The following LRRTM4 variants were observed in gnomAD, a reference collection of about 807,000 sequenced individuals.
LRRTM4 encodes the protein leucine rich repeat transmembrane neuronal 4, also known as leucine-rich repeat transmembrane neuronal protein 4.
In LRRTM4, 25 loss-of-function variants were observed where a neutral mutation model predicts 47.6. The observed-to-expected ratio is 0.53, with a 90% CI of 0.38 to 0.73. LRRTM4 has a LOEUF of 0.73. Among genes scored for constraint, LRRTM4 ranks in the 30% least tolerant of loss-of-function variants. LRRTM4 has a pLI of 0.00. For synonymous variants in LRRTM4, 311 were observed against 269.5 expected, an observed-to-expected ratio of 1.15 and a Z score of -1.51; for missense variants, 638 against 713.4, an observed-to-expected ratio of 0.89 and a Z score of 1.20.
intron 3 of LRRTM4, among the ~76,000 whole-genome samples, chr2:76,802,157 A>C (rs977197308): frequency 6.6e-6 from 1 of 152,046 alleles, no homozygotes; most frequent in Non-Finnish European, 1.5e-5. Context: ...AAAGTCATCT[A>C]AACTGGAGAG....
chr2:77,276,634 G>A (rs2104086955), intron 3 of LRRTM4, among the ~76,000 whole-genome samples: 1 of 139,216 alleles, frequency 7.2e-6, no homozygotes, highest in Non-Finnish European at 1.5e-5. Context: ...AATATAGCCT[G>A]ATGCAATCAA....
intron 3 of LRRTM4, among the ~76,000 whole-genome samples, chr2:77,029,462 G>A (rs1023024885): frequency 1.9e-4 from 29 of 151,610 alleles, no homozygotes; most frequent in Admixed American, 1.8e-3. Flanking sequence ...TCTGATGTTC[G>A]AGAGCAGGAA....
chr2:77,103,172 G>A (rs1322557288), intron 3 of LRRTM4, among the ~76,000 whole-genome samples: 2 of 152,184 alleles, frequency 1.3e-5, no homozygotes, highest in Non-Finnish European at 2.9e-5. Flanking sequence ...GACAGCAGCA[G>A]ACTGTGGTTC....
chr2:76,811,149 CAT>C (rs1670720298), intron 3 of LRRTM4, among the ~76,000 whole-genome samples: 1 of 152,112 alleles, frequency 6.6e-6, no homozygotes, highest in South Asian at 2.1e-4. Context: ...CTGGAATTTC[CAT>C]AGTTAACTTC....
intron 3 of LRRTM4, among the ~76,000 whole-genome samples, chr2:77,515,353 G>T (rs1338634916): frequency 6.6e-6 from 1 of 151,750 alleles, no homozygotes; most frequent in Non-Finnish European, 1.5e-5. Flanking sequence ...CTATATTTGT[G>T]TGGAGGCTCA....
intron 3 of LRRTM4, among the ~76,000 whole-genome samples, chr2:77,138,048 C>G (rs1672001798): frequency 6.6e-6 from 1 of 152,090 alleles, no homozygotes; most frequent in African/African-American, 2.4e-5. Context: ...ACCCTACTGT[C>G]AACATTAGAC....
chr2:76,897,595 C>T (rs1470287856), intron 3 of LRRTM4, among the ~76,000 whole-genome samples: 3 of 152,196 alleles, frequency 2.0e-5, no homozygotes, highest in Non-Finnish European at 4.4e-5. Flanking sequence ...AATCCTTAGG[C>T]CTTTGTTAAA....
At chr2:77,405,963 T>C (rs1674164270) in intron 3 of LRRTM4, among the ~76,000 whole-genome samples, 1 of 152,170 alleles carries the variant, frequency 6.6e-6, no homozygotes, top group Non-Finnish European at 1.5e-5. Context: ...AACTATGTCT[T>C]GTTTATCTTT....
At chr2:77,260,082 G>T (rs1294055646) in intron 3 of LRRTM4, among the ~76,000 whole-genome samples, 1 of 151,980 alleles carries the variant, frequency 6.6e-6, no homozygotes, top group African/African-American at 2.4e-5. Flanking sequence ...GGTTTCTTCT[G>T]CAACTAGCAA....
chr2:76,900,180 G>T (rs1435684005), intron 3 of LRRTM4, among the ~76,000 whole-genome samples: 2 of 152,050 alleles, frequency 1.3e-5, no homozygotes, highest in Non-Finnish European at 2.9e-5. Context: ...ATTGCAGTGA[G>T]CCAAGATCAC....
intron 3 of LRRTM4, among the ~76,000 whole-genome samples, chr2:77,163,972 A>T (rs976675648): frequency 6.6e-6 from 1 of 152,180 alleles, no homozygotes; most frequent in African/African-American, 2.4e-5. Context: ...TTAACCTTAA[A>T]TGTAAATGGG....
intron 3 of LRRTM4, among the ~76,000 whole-genome samples, chr2:77,037,230 G>A (rs943050335): frequency 6.6e-6 from 1 of 151,660 alleles, no homozygotes; most frequent in Non-Finnish European, 1.5e-5. Flanking sequence ...ACGGATCCTG[G>A]TTTTCCAACA....
intron 3 of LRRTM4, among the ~76,000 whole-genome samples, chr2:77,237,875 C>T (rs1480231920): frequency 1.3e-5 from 2 of 152,076 alleles, no homozygotes; most frequent in African/African-American, 4.8e-5. Flanking sequence ...GAAGGAAGAG[C>T]AAAATAAAAT....
chr2:77,490,957 T>A (rs548704766), intron 3 of LRRTM4, among the ~76,000 whole-genome samples: 2 of 142,718 alleles, frequency 1.4e-5, no homozygotes, highest in African/African-American at 3.0e-5. Context: ...AAATGATTCA[T>A]TTTTTTTTCA....
chr2:77,244,061 A>G (rs1675353629), intron 3 of LRRTM4, among the ~76,000 whole-genome samples: 1 of 129,988 alleles, frequency 7.7e-6, no homozygotes, highest in South Asian at 2.6e-4. Context: ...GAGAATGATG[A>G]TTTCCAATTT....
rs562482076 is a variant in LRRTM4, at chr2:76,811,823, G to A, written c.1552-62907C>T. The stretch of plus-strand genomic sequence containing the variant: ...ATTAGAATCCAAATTCTCAAGAGCC[G>A]AAAGCAAGCCTTCAAGTAGGAAGAT... On this transcript the variant is annotated intron_variant, in intron 3 of 3. Coordinates refer to ENST00000409884, the MANE Select transcript of LRRTM4 (RefSeq NM_001134745.3). 5.3e-5 allele frequency among the ~76,000 whole-genome samples: 8 copies of A among 152,240 alleles called. No individual in the cohort carries two copies. In the South Asian group the frequency reaches 8.3e-4, roughly 16 times the overall value.
chr2:77,422,160 T>G (rs1321794582), intron 3 of LRRTM4, among the ~76,000 whole-genome samples: 3 of 152,232 alleles, frequency 2.0e-5, no homozygotes, highest in Non-Finnish European at 2.9e-5. Flanking sequence ...TTTCTCAGAA[T>G]GGATCCTCAT....
chr2:77,047,315 T>A (rs754120812), intron 3 of LRRTM4, among the ~76,000 whole-genome samples: 1 of 152,018 alleles, frequency 6.6e-6, no homozygotes, highest in Non-Finnish European at 1.5e-5. Context: ...GGAAGGTAAG[T>A]GCTGGCACAG....
chr2:76,905,138 C>T (rs182066470), intron 3 of LRRTM4, among the ~76,000 whole-genome samples: 1 of 152,094 alleles, frequency 6.6e-6, no homozygotes, highest in South Asian at 2.1e-4. Context: ...GCCGGGTACT[C>T]CTCTGAGACA....
Sources: allele counts gnomAD v4.1 joint callset (sites outside exome capture counted in the v4.1 genomes callset), GRCh38; gene constraint gnomAD v4.1.1; transcripts MANE v1.5; gene names NCBI Gene and HGNC (gene_info 2026-07-23, HGNC 2026-07-21).